RDX: variants seen among roughly 807,000 people sequenced by gnomAD.
RDX encodes deafness, autosomal recessive 24.
A neutral mutation model predicts 83.7 loss-of-function variants in RDX; 32 were observed. The ratio of observed to expected loss-of-function variants is 0.38; its 90% CI spans 0.29 to 0.51. RDX has a LOEUF of 0.51. RDX is among the 20% of genes least tolerant of loss of function. RDX has a pLI of 0.87. For missense variants in RDX, 600 were observed against 689.9 expected, an observed-to-expected ratio of 0.87 and a Z score of 1.46; for synonymous variants, 229 against 222.7, an observed-to-expected ratio of 1.03 and a Z score of -0.25.
At chr11:110,287,482 C>T (rs1861031630) in intron 1 of RDX, among the ~76,000 whole-genome samples, 3 of 152,232 alleles carry the variant, frequency 2.0e-5, no homozygotes, top group Admixed American at 2.0e-4. Context: ...TCATAGGTCC[C>T]CGGGTTTAAA....
intron 14 of RDX, among the ~76,000 whole-genome samples, chr11:110,209,290 A>C (rs1863728067): frequency 6.6e-6 from 1 of 152,176 alleles, no homozygotes; most frequent in Non-Finnish European, 1.5e-5. Context: ...CGGGCTTAAA[A>C]AACGGCGCAC....
chr11:110,269,703 A>G (rs1860217770), intron 3 of RDX, among the ~76,000 whole-genome samples: 1 of 152,206 alleles, frequency 6.6e-6, no homozygotes, highest in Admixed American at 6.5e-5. Context: ...AACAGGGACT[A>G]AAGAACTGCT....
chr11:110,238,540 GAA>G (rs1379590809), intron 10 of RDX, among the ~76,000 whole-genome samples: 7 of 152,156 alleles, frequency 4.6e-5, no homozygotes, highest in African/African-American at 2.4e-5. Context: ...CATGAAATTT[GAA>G]AGCTAACTGT....
intron 7 of RDX, 89 bp from the exon 8 acceptor site, chr11:110,255,474 C>T: frequency 1.4e-6 from 1 of 721,348 alleles, no homozygotes; most frequent in Non-Finnish European, 2.5e-6. Context: ...AATGACCAAT[C>T]TTAAGAGTTC....
chr11:110,251,306 C>T (rs1859331017), intron 9 of RDX, among the ~76,000 whole-genome samples: 4 of 152,280 alleles, frequency 2.6e-5, no homozygotes, highest in South Asian at 4.1e-4. Flanking sequence ...GGTCTAATTA[C>T]ACTTTTCTTC....
At chr11:110,266,534 T>C (rs1218601677) in intron 3 of RDX, among the ~76,000 whole-genome samples, 1 of 152,078 alleles carries the variant, frequency 6.6e-6, no homozygotes, top group Non-Finnish European at 1.5e-5. Flanking sequence ...AGTTCTTAAA[T>C]AATAAACATT....
intron 12 of RDX, 52 bp downstream of exon 12, chr11:110,236,047 T>C: frequency 7.9e-7 from 1 of 1,267,958 alleles, no homozygotes; most frequent in Non-Finnish European, 1.2e-6. Flanking sequence ...GTCAGCATAA[T>C]CCTGGGTATA....
chr11:110,291,254 G>A (rs544044632), intron 1 of RDX, among the ~76,000 whole-genome samples: 3 of 152,266 alleles, frequency 2.0e-5, no homozygotes, highest in Non-Finnish European at 4.4e-5. Context: ...GAGCCCCGGA[G>A]TTCAAAGCCC....
chr11:110,208,592 T>G, intron 14 of RDX, among the ~76,000 whole-genome samples: 1 of 152,178 alleles, frequency 6.6e-6, no homozygotes, highest in Non-Finnish European at 1.5e-5. Context: ...AATTTCAACT[T>G]TCCTCTAGAT....
chr11:110,281,960 C>CA (rs1860783066), intron 1 of RDX, among the ~76,000 whole-genome samples: 1 of 132,514 alleles, frequency 7.5e-6, no homozygotes, highest in Non-Finnish European at 1.6e-5. Flanking sequence ...AAAAAAAAAC[C>CA]AAACAAACAA....
chr11:110,228,733 C>A (rs775769678), downstream of RDX, among the ~76,000 whole-genome samples: 34 of 151,440 alleles, frequency 2.2e-4, no homozygotes, highest in Non-Finnish European at 2.5e-4. Context: ...TATTGAAACA[C>A]TTCTAATGAT....
At chr11:110,256,486 A>G (rs1293784053) in intron 7 of RDX, among the ~76,000 whole-genome samples, 3 of 152,344 alleles carry the variant, frequency 2.0e-5, no homozygotes, top group South Asian at 4.1e-4. Flanking sequence ...TATAATTCTC[A>G]TAACACTCTT....
intron 14 of RDX, among the ~76,000 whole-genome samples, chr11:110,208,048 T>C (rs1279037983): frequency 6.6e-6 from 1 of 151,818 alleles, no homozygotes; most frequent in Non-Finnish European, 1.5e-5. Context: ...CTCAAACTCC[T>C]GGGCTCAGGT....
chr11:110,254,644 A>G (rs1377458413), intron 8 of RDX, among the ~76,000 whole-genome samples: 1 of 151,722 alleles, frequency 6.6e-6, no homozygotes, highest in African/African-American at 2.4e-5. Flanking sequence ...TCTGACTAAT[A>G]TTTGTATTTT....
Position 110,231,750 on chromosome 11 carries a change from C to T in RDX, c.*119G>A, listed in dbSNP as rs1433162069. 9.3e-7 allele frequency: 1 copy of T among 1,080,008 alleles called. No homozygotes were observed. Among genetic ancestry groups the T allele is most frequent in the African/African-American group, 1.5e-5 (1 of 64,630 alleles). 66.9% of individuals were successfully genotyped at this position (1,080,008 alleles called of 1,614,324 possible). On this transcript the variant is annotated 3_prime_UTR_variant, in exon 14 of 14. Transcript: ENST00000645495. The stretch of plus-strand genomic sequence containing the variant: ...CCTTAAATTTGTCTTTTAGCTAGCA[C>T]AGTCAAACTGGTGTAAGTGCTTTGG...
intron 2 of RDX, 139 bp downstream of exon 2, chr11:110,279,542 A>AT: frequency 1.5e-6 from 1 of 647,066 alleles, no homozygotes; most frequent in Non-Finnish European, 2.8e-6. Flanking sequence ...ATTTGGCCAC[A>AT]TTAATCTAAA....
At chr11:110,255,205 A>G in intron 8 of RDX, 84 bp downstream of exon 8, 1 of 754,362 alleles carries the variant, frequency 1.3e-6, no homozygotes, top group South Asian at 1.6e-5. Context: ...TTAATAAATG[A>G]ACACTGTTAT....
intron 9 of RDX, among the ~76,000 whole-genome samples, chr11:110,251,866 A>G (rs1234377342): frequency 6.6e-6 from 1 of 152,192 alleles, no homozygotes; most frequent in African/African-American, 2.4e-5. Context: ...CAAATATACC[A>G]AAGTATTGTA....
chr11:110,201,705 G>A (rs534452359), intron 14 of RDX, among the ~76,000 whole-genome samples: 44 of 152,240 alleles, frequency 2.9e-4, no homozygotes, highest in African/African-American at 9.9e-4. Flanking sequence ...ATTAAATTAT[G>A]TGTTAGAATA....
Sources: gnomAD v4.1 joint callset for allele counts (sites outside exome capture counted in the v4.1 genomes callset) on GRCh38, gnomAD v4.1.1 for gene constraint, MANE v1.5 for transcripts, NCBI Gene and HGNC (gene_info 2026-07-23, HGNC 2026-07-21) for gene names.